Variants in MRPS27 observed in about 807,000 individuals in gnomAD.
MRPS27 encodes the protein mitochondrial ribosomal protein S27.
A neutral mutation model predicts 48.9 loss-of-function variants in MRPS27; 43 were observed. That is an observed-to-expected ratio of 0.88 (90% CI 0.69 to 1.13). The LOEUF (loss-of-function observed/expected upper bound fraction) is 1.13. Ranked by LOEUF, MRPS27 falls within the 50% of genes most tolerant of loss-of-function variation. The probability of loss-of-function intolerance (pLI) is 0.00; values close to 1 mark genes in which losing one functional copy is unlikely to be tolerated. For missense variants in MRPS27, 467 were observed against 476.3 expected (o/e 0.98, Z 0.18); for synonymous variants, 188 against 171.9 (o/e 1.09, Z -0.73).
In MRPS27 at chr5:72,320,191, G is replaced by C; in HGVS notation, c.31C>G (p.Leu11Val). Reference sequence around the variant, plus strand: ...GGAAGAACCACTTGCCGCGCCAGGAGCATCCCGCGCCGCACTATGGAGGCA... The same window carrying C: ...GGAAGAACCACTTGCCGCGCCAGGACCATCCCGCGCCGCACTATGGAGGCA... Reference protein sequence around the residue: MAASIVRRGMLLARQVVLPQL... With the variant: MAASIVRRGMVLARQVVLPQL... The change falls in exon 1 of 11, where the codon CTC (leucine) becomes GTC (valine). Residue 11 changes from leucine (L) to valine (V), a missense_variant. Leu to Val is a conservative substitution (Grantham distance 32, BLOSUM62 1). Transcript: ENST00000261413. 6.2e-7 allele frequency: 1 copy of C among 1,613,994 alleles called. No homozygotes were observed. Among genetic ancestry groups the C allele is most frequent in the Non-Finnish European group, 8.5e-7 (1 of 1,179,902 alleles).
At chr5:72,237,925 G>T in intron 5 of MRPS27, 89 bp downstream of exon 5, 1 of 827,140 alleles carries the variant, frequency 1.2e-6, no homozygotes. Flanking sequence ...AGTTATTTCT[G>T]GTGTTATTCT....
chr5:72,312,258 T>A (rs1750459859), intron 2 of MRPS27, among the ~76,000 whole-genome samples: 1 of 152,228 alleles, frequency 6.6e-6, no homozygotes, highest in South Asian at 2.1e-4. Context: ...TGGAACTAAC[T>A]CCATTTTTCA....
intron 2 of MRPS27, among the ~76,000 whole-genome samples, chr5:72,310,552 C>T (rs1182446337): frequency 6.6e-6 from 1 of 152,048 alleles, no homozygotes; most frequent in Non-Finnish European, 1.5e-5. Flanking sequence ...TGATAATAAA[C>T]AGATAAATGA....
At chr5:72,319,850 T>G in intron 1 of MRPS27, 1 of 364,772 alleles carries the variant, frequency 2.7e-6, no homozygotes, top group Non-Finnish European at 5.0e-6. Context: ...CACATTTGGG[T>G]TTTTCGTGGT....
intron 1 of MRPS27, among the ~76,000 whole-genome samples, chr5:72,316,445 G>C (rs548100588): frequency 6.6e-6 from 1 of 152,140 alleles, no homozygotes; most frequent in Non-Finnish European, 1.5e-5. Flanking sequence ...TTGGCTCACT[G>C]CAATTTCCAC....
intron 4 of MRPS27, among the ~76,000 whole-genome samples, chr5:72,278,442 CAA>C (rs11296227): frequency 3.2e-3 from 300 of 94,608 alleles, no homozygotes; most frequent in African/African-American, 7.3e-3. Context: ...CTCTCCATCT[CAA>C]AAAAAAAAAA....
chr5:72,261,494 C>T (rs1355731063), intron 4 of MRPS27, among the ~76,000 whole-genome samples: 3 of 151,178 alleles, frequency 2.0e-5, no homozygotes, highest in Non-Finnish European at 4.4e-5. Context: ...TTAAAAAACC[C>T]CAGTTGCTAT....
intron 4 of MRPS27, among the ~76,000 whole-genome samples, chr5:72,275,177 A>G (rs1352596263): frequency 6.6e-6 from 1 of 152,214 alleles, no homozygotes; most frequent in African/African-American, 2.4e-5. Context: ...CAACTTCATG[A>G]AAGTCTCAGG....
chr5:72,301,015 A>G (rs1050308993), intron 2 of MRPS27, among the ~76,000 whole-genome samples: 3 of 152,256 alleles, frequency 2.0e-5, no homozygotes, highest in Non-Finnish European at 2.9e-5. Flanking sequence ...AGAAAAAAGC[A>G]ATTGGGTTTC....
At chr5:72,234,887 T>C (rs957201556) in intron 5 of MRPS27, among the ~76,000 whole-genome samples, 1 of 152,170 alleles carries the variant, frequency 6.6e-6, no homozygotes, top group Non-Finnish European at 1.5e-5. Flanking sequence ...CTCATTTTAC[T>C]ACCAATGATC....
At chr5:72,232,370 T>C in intron 7 of MRPS27, 73 bp downstream of exon 7, 2 of 1,122,626 alleles carry the variant, frequency 1.8e-6, no homozygotes, top group Non-Finnish European at 1.3e-6. Flanking sequence ...GACACCTTTT[T>C]CCAGCTTTTG....
At chr5:72,242,292 C>T (rs1355719700) in intron 4 of MRPS27, among the ~76,000 whole-genome samples, 1 of 152,042 alleles carries the variant, frequency 6.6e-6, no homozygotes, top group African/African-American at 2.4e-5. Context: ...TGCACTGCTG[C>T]TCATTCAAGA....
intron 6 of MRPS27, among the ~76,000 whole-genome samples, chr5:72,233,563 G>A (rs577709787): frequency 9.2e-5 from 14 of 152,148 alleles, no homozygotes; most frequent in African/African-American, 3.1e-4. Flanking sequence ...TTTTGCACAT[G>A]TCATGGTTCT....
At chr5:72,237,253 G>A (rs549975813) in intron 5 of MRPS27, among the ~76,000 whole-genome samples, 1 of 152,192 alleles carries the variant, frequency 6.6e-6, no homozygotes, top group Admixed American at 6.5e-5. Flanking sequence ...GGCAAGAACA[G>A]AATATTGCTC....
chr5:72,271,191 T>G (rs918153490), intron 4 of MRPS27, among the ~76,000 whole-genome samples: 4 of 152,134 alleles, frequency 2.6e-5, no homozygotes, highest in African/African-American at 9.7e-5. Context: ...GAAGAGTAAA[T>G]GTATTTCTCG....
In MRPS27 at chr5:72,238,123, C is replaced by G; in HGVS notation, c.287G>C (p.Arg96Pro). 6.2e-7 allele frequency: 1 copy of G among 1,611,670 alleles called. No individual in the cohort carries two copies. Among genetic ancestry groups the G allele is most frequent in the Non-Finnish European group, 8.5e-7 (1 of 1,178,138 alleles). The change falls in exon 5 of 11, where the codon CGA becomes CCA. Residue 96 changes from arginine to proline, a missense_variant. Arg to Pro is a moderately radical substitution (Grantham distance 103). Transcript: ENST00000261413. ...CAGGTACCAGCAGTTGGGGCTGTGT[C>G]GAAACCTAAATAAGCACAAGAAGAG... ...DHAEYYLYKF[R>P]HSPNCWYLRN...
At chr5:72,230,760 C>T (rs766874989) in intron 7 of MRPS27, among the ~76,000 whole-genome samples, 1 of 152,258 alleles carries the variant, frequency 6.6e-6, no homozygotes, top group African/African-American at 2.4e-5. Flanking sequence ...TGATTTTTCT[C>T]ATAACATCCA....
intron 2 of MRPS27, among the ~76,000 whole-genome samples, chr5:72,309,700 C>T (rs906847463): frequency 6.6e-6 from 1 of 152,202 alleles, no homozygotes; most frequent in Admixed American, 6.5e-5. Flanking sequence ...CTAATCTTCC[C>T]TACATACCTA....
At chr5:72,234,095 C>G (rs762915484) in intron 6 of MRPS27, 24 bp downstream of exon 6, 13 of 1,481,950 alleles carry the variant, frequency 8.8e-6, no homozygotes, top group Non-Finnish European at 1.2e-5. Context: ...CCTATAAACA[C>G]TGAATCTGGG....
Sources: gnomAD v4.1 joint callset for allele counts (sites outside exome capture counted in the v4.1 genomes callset) on GRCh38, gnomAD v4.1.1 for gene constraint, MANE v1.5 for transcripts, NCBI Gene and HGNC (gene_info 2026-07-23, HGNC 2026-07-21) for gene names.